The following TRA2B variants were observed in gnomAD, a reference collection of about 807,000 sequenced individuals.
The protein encoded by TRA2B is transformer-2 protein homolog beta.
A neutral mutation model predicts 41.7 loss-of-function variants in TRA2B; 14 were observed. The observed-to-expected ratio is 0.34, with a 90% CI of 0.22 to 0.53. The LOEUF is 0.53. TRA2B is among the 20% of genes least tolerant of loss of function. The pLI, the probability that TRA2B is intolerant of heterozygous loss-of-function variation, is 0.95. For missense variants in TRA2B, 167 were observed against 396.8 expected (o/e 0.42, Z 4.92); for synonymous variants, 130 against 128.8 (o/e 1.01, Z -0.06).
At chr3:185,921,866 GA>G in intron 5 of TRA2B, 144 bp downstream of exon 5, 1 of 536,262 alleles carries the variant, frequency 1.9e-6, no homozygotes, top group Non-Finnish European at 3.3e-6. Flanking sequence ...TCTACTATGA[GA>G]AAAATGCCCT....
rs146267507 is a variant in TRA2B, at chr3:185,937,132, T to C, written c.36+693A>G. The C allele has an allele frequency of 1.3e-4, 129 of 985,498 alleles. No homozygotes were observed. The African/African-American group carries it at 2.0e-3, about 15-fold the overall frequency. The allele number at this position is 985,498 out of a possible 1,614,324, so 61.0% of individuals were successfully genotyped here. A position where few individuals can be genotyped will look rare whatever the true frequency, so the allele number is the denominator to read the frequency against. On this transcript the variant is annotated intron_variant, in intron 1 of 8. Coordinates refer to ENST00000453386, the MANE Select transcript of TRA2B (RefSeq NM_004593.3). Reference sequence around the variant, plus strand: ...ATACAGATTTTTGCCTGGGAAGCCCTTTCGGCATCAGAGAAAAGCGCTTCA... The same window carrying C: ...ATACAGATTTTTGCCTGGGAAGCCCCTTCGGCATCAGAGAAAAGCGCTTCA...
In TRA2B at chr3:185,925,595, A is replaced by G; in HGVS notation, c.202T>C (p.Tyr68His). 6.2e-7 allele frequency: 1 copy of G among 1,614,058 alleles called. No individual in the cohort carries two copies. The highest frequency in any genetic ancestry group is 8.5e-7 in the Non-Finnish European group (1 of 1,179,970). ...SRSRRSSRRH[Y>H]TRSRSRSRSH... ...CGGGAGCGAGACCGTGACCGGGTAT[A>G]ATGCCTTCGGGAGCTTCTTCTGGAT... is the stretch of plus-strand genomic sequence containing the variant. The change falls in exon 3 of 9, where the codon TAT becomes CAT. Residue 68 changes from tyrosine to histidine, a missense_variant. Physicochemically the swap from Tyr to His is moderately conservative, Grantham distance 83. Transcript: ENST00000453386.
rs755684494 is a variant in TRA2B, at chr3:185,916,407, G to C, written c.*1308C>G. On this transcript the variant is annotated 3_prime_UTR_variant, in exon 9 of 9. Coordinates refer to ENST00000453386, the MANE Select transcript of TRA2B (RefSeq NM_004593.3). ...CTGAAACATACTAATACCTAGATGCGATAAAGGTTAGCAAGGCAACAAAAT... is the reference window on the plus strand; with the variant it reads ...CTGAAACATACTAATACCTAGATGCCATAAAGGTTAGCAAGGCAACAAAAT... The C allele has an allele frequency of 6.6e-6, 1 of 152,176 alleles. No individual in the cohort carries two copies. Among genetic ancestry groups the C allele is most frequent in the African/African-American group, 2.4e-5 (1 of 41,428 alleles). The allele number at this position is 152,176 out of a possible 1,614,324, so 9.4% of individuals were successfully genotyped here. A position where few individuals can be genotyped will look rare whatever the true frequency, so the allele number is the denominator to read the frequency against.
intron 6 of TRA2B, 31 bp from the exon 7 acceptor site, chr3:185,919,527 ATTCAG>A (rs776297507): frequency 1.9e-6 from 3 of 1,586,972 alleles, no homozygotes; most frequent in Non-Finnish European, 2.6e-6. Flanking sequence ...CACAACACGC[ATTCAG>A]TTTGTAAGTT....
intron 4 of TRA2B, 165 bp from the exon 5 acceptor site, chr3:185,922,291 T>G (rs1743772654): frequency 2.3e-6 from 1 of 438,672 alleles, no homozygotes; most frequent in Non-Finnish European, 4.1e-6. Flanking sequence ...TTCCCTCTAC[T>G]AAATGTTCAT....
chr3:185,925,218 GT>G (rs151244641), intron 3 of TRA2B: 3,533 of 323,032 alleles, frequency 0.011, 1 homozygote, highest in East Asian at 0.015. Context: ...GCAGTCGGAA[GT>G]TTTTTTTTTT....
intron 2 of TRA2B, 149 bp from the exon 3 acceptor site, chr3:185,925,775 CTAAT>C (rs1445664445): frequency 2.7e-5 from 22 of 811,970 alleles, no homozygotes; most frequent in Admixed American, 1.2e-4. Context: ...CTTTTCTTCT[CTAAT>C]TATTTAGTCA....
At chr3:185,919,038 G>A (rs529300535) in intron 7 of TRA2B, among the ~76,000 whole-genome samples, 17 of 152,074 alleles carry the variant, frequency 1.1e-4, no homozygotes, top group Non-Finnish European at 1.9e-4. Flanking sequence ...GCACCCTCTT[G>A]AACACCCAAA....
At chr3:185,919,363 A>C (rs758888794) in intron 7 of TRA2B, 74 bp downstream of exon 7, 3 of 1,323,068 alleles carry the variant, frequency 2.3e-6, no homozygotes, top group Admixed American at 2.2e-5. Flanking sequence ...TAATTTACCA[A>C]AACATTACTA....
At chr3:185,919,553 A>T in intron 6 of TRA2B, 57 bp from the exon 7 acceptor site, 2 of 1,440,082 alleles carry the variant, frequency 1.4e-6, no homozygotes, top group Non-Finnish European at 1.9e-6. Context: ...TTAAAAAATT[A>T]TGTCATTCAT....
intron 1 of TRA2B, chr3:185,929,016 G>A (rs1448456414): frequency 6.6e-6 from 1 of 152,148 alleles, no homozygotes; most frequent in Non-Finnish European, 1.5e-5. Context: ...TGAAATCACA[G>A]GAGTTTTCAC....
At chr3:185,935,932 C>T (rs1744335551) in intron 1 of TRA2B, 1 of 985,384 alleles carries the variant, frequency 1.0e-6, no homozygotes, top group Admixed American at 6.1e-5. Flanking sequence ...ATTAAGTTAA[C>T]CTCCCTCTAC....
intron 1 of TRA2B, chr3:185,935,880 G>C: frequency 2.0e-6 from 2 of 985,238 alleles, no homozygotes; most frequent in Non-Finnish European, 2.4e-6. Context: ...CGGCCAGAAA[G>C]CGAAGACTCT....
intron 1 of TRA2B, chr3:185,936,267 A>T (rs1319059150): frequency 1.0e-6 from 1 of 985,446 alleles, no homozygotes; most frequent in Non-Finnish European, 1.2e-6. Flanking sequence ...TGACTGTTAT[A>T]ACAGATTCAA....
chr3:185,920,252 T>G (rs1294632839), intron 6 of TRA2B, among the ~76,000 whole-genome samples: 1 of 152,242 alleles, frequency 6.6e-6, no homozygotes, highest in Non-Finnish European at 1.5e-5. Context: ...ATTAAGAGAT[T>G]ACAAGAAACT....
At chr3:185,927,331 G>T (rs1250767819) in intron 1 of TRA2B, 1 of 152,178 alleles carries the variant, frequency 6.6e-6, no homozygotes, top group African/African-American at 2.4e-5. Context: ...AAACCCTATT[G>T]CATCTAACCA....
In TRA2B at chr3:185,915,222, T is replaced by A. The variant is rs549902656; in HGVS notation, c.*2493A>T. Among the ~76,000 whole-genome samples, 12 of 152,306 alleles carry A rather than the reference T, an allele frequency of 7.9e-5. No individual in the cohort carries two copies. The East Asian group carries it at 2.3e-3, about 29-fold the overall frequency. On this transcript the variant is annotated 3_prime_UTR_variant, in exon 9 of 9. Transcript: ENST00000453386. ...CTTATTTCCACTTGCTGGGACCCTGTTGATTTCCTGAGAAGTTTCACAAAA... is the reference window on the plus strand; with the variant it reads ...CTTATTTCCACTTGCTGGGACCCTGATGATTTCCTGAGAAGTTTCACAAAA...
intron 1 of TRA2B, among the ~76,000 whole-genome samples, chr3:185,933,873 CAGA>C (rs1213168422): frequency 6.6e-6 from 1 of 152,092 alleles, no homozygotes; most frequent in African/African-American, 2.4e-5. Flanking sequence ...TTTGACTTTT[CAGA>C]AGACTACCTT....
chr3:185,921,296 C>T, intron 5 of TRA2B, 109 bp from the exon 6 acceptor site: 1 of 926,744 alleles, frequency 1.1e-6, no homozygotes, highest in Middle Eastern at 2.1e-4. Context: ...GAAAATTATT[C>T]CTGTTAAAAT....
Sources: gnomAD v4.1 joint callset for allele counts (sites outside exome capture counted in the v4.1 genomes callset) on GRCh38, gnomAD v4.1.1 for gene constraint, MANE v1.5 for transcripts, NCBI Gene and HGNC (gene_info 2026-07-23, HGNC 2026-07-21) for gene names.